The following CPT1A variants were observed in gnomAD, a reference collection of about 807,000 sequenced individuals.
The protein encoded by CPT1A is carnitine palmitoyltransferase 1A.
A neutral mutation model predicts 100.8 loss-of-function variants in CPT1A; 64 were observed. That is an observed-to-expected ratio of 0.63 (90% CI 0.52 to 0.78). The LOEUF (loss-of-function observed/expected upper bound fraction) is 0.78. Among genes scored for constraint, CPT1A ranks in the 30% least tolerant of loss-of-function variants. The pLI, the probability that CPT1A is intolerant of heterozygous loss-of-function variation, is 0.00. For synonymous variants in CPT1A, 363 were observed against 396.0 expected (o/e 0.92, Z 0.99); for missense variants, 802 against 1,034.1 (o/e 0.78, Z 3.08).
rs1025643322 is a variant in CPT1A at position 68,807,318 on chromosome 11, A to T, written c.453+149T>A. On this transcript the variant is annotated intron_variant, in intron 4 of 18. Coordinates refer to ENST00000265641, the MANE Select transcript of CPT1A (RefSeq NM_001876.4). The stretch of plus-strand genomic sequence containing the variant: ...CCTGCTTTTGTGTCATGGTGACTCA[A>T]ACCTCTCCAGCCATTCAAGGTTGAG... 3.7e-6 allele frequency: 3 copies of T among 805,666 alleles called. No homozygotes were observed. The East Asian group carries it at 8.0e-5, about 21-fold the overall frequency. The allele number at this position is 805,666 out of a possible 1,614,324, so 49.9% of individuals were successfully genotyped here. A position where few individuals can be genotyped will look rare whatever the true frequency, so the allele number is the denominator to read the frequency against.
chr11:68,844,250 A>C (rs2154003520), upstream of CPT1A: 1 of 152,350 alleles, frequency 6.6e-6, no homozygotes, highest in Non-Finnish European at 1.5e-5. Context: ...ACCACGCTGC[A>C]GCTCTCCTGC....
Position 68,796,819 on chromosome 11 carries a change from G to A in CPT1A, c.771+37C>T, listed in dbSNP as rs368674326. On this transcript the variant is annotated intron_variant, in intron 7 of 18. Transcript: ENST00000265641. ...CTGTGGACAGACCCGCCGCCCCACC[G>A]TCCTCGTCAGACAGCAGCCCGGGCG... The A allele has an allele frequency of 3.9e-4, 621 of 1,603,950 alleles. 2 individuals carry two copies. Among genetic ancestry groups the A allele is most frequent in the Non-Finnish European group, 5.5e-5 (64 of 1,173,404 alleles).
At chr11:68,784,220 A>G (rs958205383) in intron 10 of CPT1A, among the ~76,000 whole-genome samples, 1 of 152,172 alleles carries the variant, frequency 6.6e-6, no homozygotes, top group Non-Finnish European at 1.5e-5. Context: ...CTTGGTTTCC[A>G]TTTGTTCTGT....
intron 18 of CPT1A, among the ~76,000 whole-genome samples, chr11:68,758,616 C>CTTTTTT (rs533259989): frequency 2.2e-5 from 3 of 138,228 alleles, no homozygotes; most frequent in Non-Finnish European, 1.6e-5. Flanking sequence ...GATACATTTC[C>CTTTTTT]TTTTTTTTTT....
intron 4 of CPT1A, among the ~76,000 whole-genome samples, chr11:68,804,655 G>A (rs561034038): frequency 1.3e-5 from 2 of 152,224 alleles, no homozygotes; most frequent in Non-Finnish European, 2.9e-5. Context: ...GACAGAGGCC[G>A]TGAGATGTCG....
rs1224368744 is a variant in CPT1A at position 68,757,284 on chromosome 11, C to T, written c.*360G>A. 4 of 1,162,922 alleles carry T rather than the reference C, an allele frequency of 3.4e-6. No individual in the cohort carries two copies. Among genetic ancestry groups the T allele is most frequent in the Non-Finnish European group, 3.2e-6 (3 of 934,798 alleles). The allele number at this position is 1,162,922 out of a possible 1,614,324, so 72.0% of individuals were successfully genotyped here. A position where few individuals can be genotyped will look rare whatever the true frequency, so the allele number is the denominator to read the frequency against. On this transcript the variant is annotated 3_prime_UTR_variant, in exon 19 of 19. Coordinates refer to ENST00000265641, the MANE Select transcript of CPT1A (RefSeq NM_001876.4). ...TAAATGCCCTTAAGCACTAGGCCTT[C>T]GGTTGCCACTGAGAAAGCACACCAT...
rs142217021 is a variant in CPT1A, at chr11:68,836,464, G to C, written c.-14+5311C>G. Among the ~76,000 whole-genome samples, 355 of 151,718 alleles carry C rather than the reference G, an allele frequency of 2.3e-3. 3 individuals are homozygous for C. Among genetic ancestry groups the C allele is most frequent in the African/African-American group, 8.3e-3 (344 of 41,330 alleles). Reference sequence around the variant, plus strand: ...CACTGCACTCCAGCTTGGGCACCAAGGCAAGATCCTGCCTCGGAAAAAAAA... The same window carrying C: ...CACTGCACTCCAGCTTGGGCACCAACGCAAGATCCTGCCTCGGAAAAAAAA... On this transcript the variant is annotated intron_variant, in intron 1 of 18. Transcript: ENST00000265641.
intron 15 of CPT1A, 112 bp from the exon 16 acceptor site, chr11:68,761,799 C>A: frequency 7.6e-7 from 1 of 1,313,830 alleles, no homozygotes; most frequent in Non-Finnish European, 1.1e-6. Flanking sequence ...TTAGTAGAGA[C>A]GGGGTTTCAA....
At position 68,812,401 on chromosome 11, in the gene CPT1A, T is replaced by C. The variant is rs773585529; in HGVS notation, c.281+36A>G. 4 of 1,613,590 alleles carry C rather than the reference T, an allele frequency of 2.5e-6. No individual in the cohort carries two copies. The African/African-American group carries it at 5.3e-5, about 22-fold the overall frequency. On this transcript the variant is annotated intron_variant, in intron 3 of 18. Coordinates refer to ENST00000265641, the MANE Select transcript of CPT1A (RefSeq NM_001876.4). Reference sequence around the variant, plus strand: ...TAAAAACAGCAATAAAATCGGTAACTTCCCAGACAATTGGAGATTTCACAG... The same window carrying C: ...TAAAAACAGCAATAAAATCGGTAACCTCCCAGACAATTGGAGATTTCACAG...
At chr11:68,823,444 G>A (rs2154001997) in intron 1 of CPT1A, among the ~76,000 whole-genome samples, 1 of 152,164 alleles carries the variant, frequency 6.6e-6, no homozygotes, top group East Asian at 1.9e-4. Context: ...TCCATATCCT[G>A]TCCACCATAA....
At chr11:68,795,019 T>C (rs1413788805) in intron 7 of CPT1A, 108 bp from the exon 8 acceptor site, 2 of 808,268 alleles carry the variant, frequency 2.5e-6, no homozygotes, top group East Asian at 2.5e-5. Context: ...GATGCATCAA[T>C]ATACATACAT....
At chr11:68,803,218 T>C (rs1188202704) in intron 5 of CPT1A, among the ~76,000 whole-genome samples, 1 of 152,222 alleles carries the variant, frequency 6.6e-6, no homozygotes, top group Non-Finnish European at 1.5e-5. Flanking sequence ...GCTATGTGTA[T>C]GAACTTTGAA....
chr11:68,767,776 C>T (rs992343339), intron 14 of CPT1A, among the ~76,000 whole-genome samples: 3 of 152,136 alleles, frequency 2.0e-5, no homozygotes, highest in Non-Finnish European at 2.9e-5. Flanking sequence ...CACAGAGTGA[C>T]GGATAAAAGG....
rs1459708956 is a variant in CPT1A, at chr11:68,775,414, T to C, written c.1477A>G (p.Ser493Gly). 6.2e-7 allele frequency: 1 copy of C among 1,614,082 alleles called. No homozygotes were observed. Among genetic ancestry groups the C allele is most frequent in the Non-Finnish European group, 8.5e-7 (1 of 1,179,880 alleles). The change falls in exon 13 of 19, where the codon AGC becomes GGC. Residue 493 changes from serine (S) to glycine (G), a missense_variant. By Grantham distance (56) the Ser-to-Gly change is moderately conservative. Coordinates refer to ENST00000265641, the MANE Select transcript of CPT1A (RefSeq NM_001876.4). ...TCCTCCGCATAGCCCAGCTGGAGGC[T>C]GTCAATGGACATGACGTACTGTCAA... is the stretch of plus-strand genomic sequence containing the variant. ...HLWEYVMSID[S>G]LQLGYAEDGH...
Position 68,802,023 on chromosome 11 carries a change from A to G in CPT1A, c.555+1977T>C, listed in dbSNP as rs145915562. 4.7e-3 allele frequency among the ~76,000 whole-genome samples: 712 copies of G among 152,324 alleles called. 7 individuals are homozygous for G. The highest frequency in any genetic ancestry group is 0.016 in the African/African-American group (678 of 41,586). On this transcript the variant is annotated intron_variant, in intron 5 of 18. Coordinates refer to ENST00000265641, the MANE Select transcript of CPT1A (RefSeq NM_001876.4). Reference sequence around the variant, plus strand: ...TGAACTCTAAAGACATGCTAGTCACAAAAGGCCACGTGATTCCATTTATGC... The same window carrying G: ...TGAACTCTAAAGACATGCTAGTCACGAAAGGCCACGTGATTCCATTTATGC...
chr11:68,773,941 TCAAGTGAGCATGCGCACAA>T (rs1213718464), intron 13 of CPT1A: 1 of 203,620 alleles, frequency 4.9e-6, no homozygotes, highest in Admixed American at 5.3e-5. Context: ...GCAGAACACC[TCAAGTGAGCATGCGCACAA>T]CTCCAGTAAA....
chr11:68,788,086 C>T (rs926854294), intron 9 of CPT1A, among the ~76,000 whole-genome samples: 1 of 152,110 alleles, frequency 6.6e-6, no homozygotes, highest in Non-Finnish European at 1.5e-5. Context: ...GGAGTTCCAG[C>T]CTGCAGAATT....
At chr11:68,808,425 G>A (rs1856108622) in intron 3 of CPT1A, among the ~76,000 whole-genome samples, 1 of 151,248 alleles carries the variant, frequency 6.6e-6, no homozygotes. Flanking sequence ...AGGCTGGAGT[G>A]CAATGGTGTG....
At chr11:68,804,198 G>A in intron 4 of CPT1A, 97 bp from the exon 5 acceptor site, 2 of 880,328 alleles carry the variant, frequency 2.3e-6, no homozygotes, top group Middle Eastern at 2.2e-4. Flanking sequence ...GTCAGTCCTG[G>A]TTAGTACTTG....
Sources: allele counts gnomAD v4.1 joint callset (sites outside exome capture counted in the v4.1 genomes callset), GRCh38; gene constraint gnomAD v4.1.1; transcripts MANE v1.5; gene names NCBI Gene and HGNC (gene_info 2026-07-23, HGNC 2026-07-21).